Variants in MUC17 observed in about 807,000 individuals in gnomAD.
The protein encoded by MUC17 is mucin 17, cell surface associated.
MUC17 carries 190 observed loss-of-function variants against 170.3 expected under a neutral mutation model. That is an observed-to-expected ratio of 1.12 (90% CI 0.99 to 1.26). The LOEUF (loss-of-function observed/expected upper bound fraction) is 1.26. Among genes scored for constraint, MUC17 ranks in the 50% most tolerant of loss-of-function variants. The probability of loss-of-function intolerance (pLI) is 0.00; values close to 1 mark genes in which losing one functional copy is unlikely to be tolerated. For synonymous variants in MUC17, 2,325 were observed against 2,002.5 expected, an observed-to-expected ratio of 1.16 and a Z score of -4.30; for missense variants, 6,415 against 5,530.0, an observed-to-expected ratio of 1.16 and a Z score of -5.08.
In MUC17 at chr7:101,058,179, C is replaced by A; in HGVS notation, c.*135C>A. The A allele has an allele frequency of 1.4e-6, 1 of 705,998 alleles. No individual in the cohort carries two copies. The highest frequency in any genetic ancestry group is 2.4e-6 in the Non-Finnish European group (1 of 418,290). 43.7% of individuals were successfully genotyped at this position (705,998 alleles called of 1,614,324 possible). On this transcript the variant is annotated 3_prime_UTR_variant, in exon 13 of 13. Coordinates refer to ENST00000306151, the MANE Select transcript of MUC17 (RefSeq NM_001040105.2). The stretch of plus-strand genomic sequence containing the variant: ...TACAGGAAACAAGCCCTGTACTTAC[C>A]AAGGAGAAAGAGGAGAGACAGCAGT...
intron 1 of MUC17, among the ~76,000 whole-genome samples, chr7:101,027,117 C>T (rs1794194433): frequency 6.6e-6 from 1 of 152,060 alleles, no homozygotes; most frequent in Non-Finnish European, 1.5e-5. Context: ...TCACTTTGGA[C>T]CCAGAGCTTG....
Position 101,038,895 on chromosome 7 carries a change from C to A in MUC17, c.7479C>A (p.Ala2493=), listed in dbSNP as rs1189533365. Residue 2493 remains alanine, a synonymous_variant, in exon 3 of 13, where the codon GCC becomes GCA. Transcript: ENST00000306151. ...TSTPMTTSTE[A]SSSPTTAEDI... ...CACCTATGACCACTTCTACTGAAGC[C>A]AGTTCATCTCCTACAACTGCTGAAG... The A allele has an allele frequency of 3.1e-6, 5 of 1,613,958 alleles. No individual in the cohort carries two copies. The African/African-American group carries it at 6.7e-5, about 22-fold the overall frequency.
At chr7:101,056,607 A>G (rs1795050134) in intron 12 of MUC17, among the ~76,000 whole-genome samples, 1 of 152,212 alleles carries the variant, frequency 6.6e-6, no homozygotes, top group East Asian at 1.9e-4. Flanking sequence ...AAATACTTAC[A>G]TATTCCATCT....
At position 101,036,134 on chromosome 7, in the gene MUC17, C is replaced by G; in HGVS notation, c.4718C>G (p.Thr1573Ser). ...MQTSTYSEGS[T>S]PLTSLPVSTM... is the part of the protein sequence containing the mutation. ...ACCTCAACTTATAGTGAAGGAAGCA[C>G]TCCACTAACAAGTTTGCCTGTCAGC... Residue 1573 changes from threonine (T) to serine (S), a missense_variant, in exon 3 of 13, where the codon ACT (threonine) becomes AGT (serine). Physicochemically the swap from Thr to Ser is moderately conservative, Grantham distance 58. Transcript: ENST00000306151. 1 of 1,613,186 alleles carries G rather than the reference C, an allele frequency of 6.2e-7. No homozygotes were observed. Among genetic ancestry groups the G allele is most frequent in the Non-Finnish European group, 8.5e-7 (1 of 1,179,378 alleles).
chr7:101,034,479 T>G lies in MUC17; in HGVS notation c.3063T>G (p.Ser1021Arg), dbSNP rs769131855. ...CTTTGACCACTTCTACTGAAGCCAG[T>G]TCACCTCCTCCCACTGCTGAAGGTA... ...NTPLTTSTEASSPPPTAEGTS... is the reference protein window; with the variant it reads ...NTPLTTSTEARSPPPTAEGTS... The change falls in exon 3 of 13, where the codon AGT becomes AGG. Residue 1021 changes from serine (S) to arginine (R), a missense_variant. By Grantham distance (110) the Ser-to-Arg change is moderately radical (BLOSUM62 -1). Coordinates refer to ENST00000306151, the MANE Select transcript of MUC17 (RefSeq NM_001040105.2). 1 of 1,611,950 alleles carries G rather than the reference T, an allele frequency of 6.2e-7. No homozygotes were observed. The highest frequency in any genetic ancestry group is 2.2e-5 in the East Asian group (1 of 44,612).
Position 101,034,012 on chromosome 7 carries a change from C to T in MUC17, c.2596C>T (p.Pro866Ser). The change falls in exon 3 of 13, where the codon CCT becomes TCT. Residue 866 changes from proline (P) to serine (S), a missense_variant. Coordinates refer to ENST00000306151, the MANE Select transcript of MUC17 (RefSeq NM_001040105.2). ...CTCAACTTATAGTGAAGGAAGAACT[C>T]CTTTAACAAGTATGCCTGTCAGCAC... is the stretch of plus-strand genomic sequence containing the variant. The part of the protein sequence containing the change: ...PTSTYSEGRT[P>S]LTSMPVSTTL... 1 of 1,602,970 alleles carries T rather than the reference C, an allele frequency of 6.2e-7. No homozygotes were observed. Among genetic ancestry groups the T allele is most frequent in the Non-Finnish European group, 8.5e-7 (1 of 1,173,914 alleles).
rs757217935 is a variant in MUC17 at position 101,035,746 on chromosome 7, A to G, written c.4330A>G (p.Ser1444Gly). 6.2e-7 allele frequency: 1 copy of G among 1,611,144 alleles called. No homozygotes were observed. Among genetic ancestry groups the G allele is most frequent in the Non-Finnish European group, 8.5e-7 (1 of 1,178,238 alleles). ...ATCTCCTACAACTGCTGAAGGTATC[A>G]GCATACCAACCTCAACTCCTAGTGA... ...TSSPTTAEGI[S>G]IPTSTPSEGK... The change falls in exon 3 of 13, where the codon AGC (serine) becomes GGC (glycine). Residue 1444 changes from serine to glycine, a missense_variant. Ser to Gly is a moderately conservative substitution (Grantham distance 56). Coordinates refer to ENST00000306151, the MANE Select transcript of MUC17 (RefSeq NM_001040105.2).
chr7:101,056,333 C>T (rs1224107515), intron 12 of MUC17, 63 bp downstream of exon 12: 12 of 1,596,482 alleles, frequency 7.5e-6, no homozygotes, highest in Non-Finnish European at 9.4e-6. Flanking sequence ...CTTCTCCTTT[C>T]CTACATGGTA....
intron 1 of MUC17, 58 bp from the exon 2 acceptor site, chr7:101,031,062 C>T (rs1343631754): frequency 2.6e-6 from 4 of 1,550,340 alleles, no homozygotes; most frequent in Non-Finnish European, 3.5e-6. Context: ...TCAGAGTCTT[C>T]AAGAGAATGA....
rs1340924431 is a variant in MUC17, at chr7:101,036,012, C to G, written c.4596C>G (p.Asn1532Lys). ...STTTVASSEI[N>K]SLSTTPAVTS... The stretch of plus-strand genomic sequence containing the variant: ...CAACAGTGGCCAGTTCTGAAATCAA[C>G]AGCCTTTCAACAACTCCTGCTGTCA... The change falls in exon 3 of 13, where the codon AAC (asparagine) becomes AAG (lysine). Residue 1532 changes from asparagine to lysine, a missense_variant. Asn to Lys is a moderately conservative substitution (Grantham distance 94). Transcript: ENST00000306151. The G allele has an allele frequency of 6.2e-7, 1 of 1,611,744 alleles. No homozygotes were observed. Among genetic ancestry groups the G allele is most frequent in the Non-Finnish European group, 8.5e-7 (1 of 1,178,624 alleles).
rs775444744 is a variant in MUC17, at chr7:101,039,412, ACTT to A, written c.7998_8000del (p.Ser2667del). The A allele has an allele frequency of 4.3e-6, 7 of 1,612,164 alleles. No homozygotes were observed. In the African/African-American group the frequency reaches 9.4e-5, roughly 22 times the overall value. On this transcript the variant is annotated inframe_deletion, in exon 3 of 13. Transcript: ENST00000306151. ...TGTTGACACCAGGACACTTGTGACC[ACTT>A]CCACTGGAACCAGTTCATCTCCTAC...
In MUC17 at chr7:101,020,341, A is replaced by G. The variant is rs1264235749; in HGVS notation, c.82+124A>G. 5 of 691,914 alleles carry G rather than the reference A, an allele frequency of 7.2e-6. No individual in the cohort carries two copies. The East Asian group carries it at 1.3e-4, about 18-fold the overall frequency. 42.9% of individuals were successfully genotyped at this position (691,914 alleles called of 1,614,324 possible). A position where few individuals can be genotyped will look rare whatever the true frequency, so the allele number is the denominator to read the frequency against. ...CAATAGGGGTGTGCCCTCTGCCTGGAGCTCAGCCCTGTGCCTACCCCCTGG... is the reference window on the plus strand; with the variant it reads ...CAATAGGGGTGTGCCCTCTGCCTGGGGCTCAGCCCTGTGCCTACCCCCTGG... On this transcript the variant is annotated intron_variant, in intron 1 of 12. Coordinates refer to ENST00000306151, the MANE Select transcript of MUC17 (RefSeq NM_001040105.2).
In MUC17 at chr7:101,053,149, T is replaced by C. The variant is rs769409348; in HGVS notation, c.13265+2T>C. On this transcript the variant is annotated splice_donor_variant, in intron 10 of 12. Transcript: ENST00000306151. LOFTEE classifies it high-confidence loss of function. The stretch of plus-strand genomic sequence containing the variant: ...CCGCTCCAAGAGAGAGGTGAAACGG[T>C]GAGCGAGCCCCTACCACCTCCTCTT... 6 of 1,612,608 alleles carry C rather than the reference T, an allele frequency of 3.7e-6. No homozygotes were observed. Among genetic ancestry groups the C allele is most frequent in the Non-Finnish European group, 4.2e-6 (5 of 1,179,306 alleles).
rs375930672 is a variant in MUC17, at chr7:101,043,646, C to T, written c.12230C>T (p.Thr4077Ile). Residue 4077 changes from threonine to isoleucine, a missense_variant, in exon 3 of 13, where the codon ACC (threonine) becomes ATC (isoleucine). Thr to Ile is a moderately conservative substitution (Grantham distance 89). Coordinates refer to ENST00000306151, the MANE Select transcript of MUC17 (RefSeq NM_001040105.2). ...GCTCACTCCAGTACACCTCCAACAA[C>T]CTCTGCCTCCTCCACGACTGTGAAC... ...PPAHSSTPPT[T>I]SASSTTVNPE... 1.2e-6 allele frequency: 2 copies of T among 1,614,068 alleles called. No homozygotes were observed. Among genetic ancestry groups the T allele is most frequent in the East Asian group, 2.2e-5 (1 of 44,892 alleles).
At chr7:101,049,263 A>T (rs1479715951) in intron 5 of MUC17, 61 bp from the exon 6 acceptor site, 3 of 1,610,272 alleles carry the variant, frequency 1.9e-6, no homozygotes, top group South Asian at 2.2e-5. Context: ...TGACCTCCTG[A>T]TGTCCCACAG....
rs1794472404 is a variant in MUC17, at chr7:101,036,205, C to T, written c.4789C>T (p.Pro1597Ser). The T allele has an allele frequency of 1.9e-6, 3 of 1,613,920 alleles. No homozygotes were observed. The highest frequency in any genetic ancestry group is 1.3e-5 in the African/African-American group (1 of 74,862). The change falls in exon 3 of 13, where the codon CCT becomes TCT. Residue 1597 changes from proline (P) to serine (S), a missense_variant. By Grantham distance (74) the Pro-to-Ser change is moderately conservative. Transcript: ENST00000306151. ...TGAGGCTAACACCCTTTCAACAACC[C>T]CTATTGACTCCAAAACTCAGGTGAC... ...SSEANTLSTTPIDSKTQVTAS... is the reference protein window; with the variant it reads ...SSEANTLSTTSIDSKTQVTAS...
chr7:101,057,334 A>G (rs1247997541), intron 12 of MUC17, among the ~76,000 whole-genome samples: 1 of 152,222 alleles, frequency 6.6e-6, no homozygotes, highest in Non-Finnish European at 1.5e-5. Flanking sequence ...CTCCCTTGAC[A>G]TAGCCCTTTG....
chr7:101,035,969 G>C lies in MUC17; in HGVS notation c.4553G>C (p.Ser1518Thr), dbSNP rs1172654803. ...AGTGAAGGAAGCACTGCATTAACAA[G>C]TATACCTGTCAGCACCACAACAGTG... is the stretch of plus-strand genomic sequence containing the variant. ...TPSEGSTALT[S>T]IPVSTTTVAS... Residue 1518 changes from serine to threonine, a missense_variant, in exon 3 of 13, where the codon AGT becomes ACT. Coordinates refer to ENST00000306151, the MANE Select transcript of MUC17 (RefSeq NM_001040105.2). 1.9e-6 allele frequency: 3 copies of C among 1,612,784 alleles called. No individual in the cohort carries two copies. The Admixed American group carries it at 5.0e-5, about 27-fold the overall frequency.
At position 101,039,802 on chromosome 7, in the gene MUC17, G is replaced by C. The variant is rs1437108359; in HGVS notation, c.8386G>C (p.Glu2796Gln). Residue 2796 changes from glutamate to glutamine, a missense_variant, in exon 3 of 13, where the codon GAA (glutamate) becomes CAA (glutamine). Coordinates refer to ENST00000306151, the MANE Select transcript of MUC17 (RefSeq NM_001040105.2). ...AGCCAGTTCCTCTCCTACAACTGCT[G>C]AAGTTACCAGCATGCCAACCTCAAC... is the stretch of plus-strand genomic sequence containing the variant. The part of the protein sequence containing the change: ...TEASSSPTTA[E>Q]VTSMPTSTPS... 1.9e-6 allele frequency: 3 copies of C among 1,609,006 alleles called. No individual in the cohort carries two copies. The highest frequency in any genetic ancestry group is 2.5e-6 in the Non-Finnish European group (3 of 1,177,032).
Sources: gnomAD v4.1 joint callset for allele counts (sites outside exome capture counted in the v4.1 genomes callset) on GRCh38, gnomAD v4.1.1 for gene constraint, MANE v1.5 for transcripts, NCBI Gene and HGNC (gene_info 2026-07-23, HGNC 2026-07-21) for gene names.